The following FAM184B variants were observed in gnomAD, a reference collection of about 807,000 sequenced individuals.
The protein encoded by FAM184B is protein FAM184B.
A neutral mutation model predicts 135.9 loss-of-function variants in FAM184B; 111 were observed. That is an observed-to-expected ratio of 0.82 (90% confidence interval 0.70 to 0.96). The LOEUF is 0.96. Ranked by LOEUF, FAM184B falls within the 40% of genes least tolerant of loss-of-function variation. The probability of loss-of-function intolerance (pLI) is 0.00; values close to 1 mark genes in which losing one functional copy is unlikely to be tolerated. For missense variants in FAM184B, 1,375 were observed against 1,323.9 expected, an observed-to-expected ratio of 1.04 and a Z score of -0.60; for synonymous variants, 552 against 524.8, an observed-to-expected ratio of 1.05 and a Z score of -0.71.
At chr4:17,641,951 T>G in intron 13 of FAM184B, 105 bp downstream of exon 13, 3 of 1,412,318 alleles carry the variant, frequency 2.1e-6, no homozygotes, top group Non-Finnish European at 2.8e-6. Flanking sequence ...GCCGAGGCAG[T>G]GACCCATTTC....
chr4:17,633,384 C>T lies in FAM184B; in HGVS notation c.3089+305G>A, dbSNP rs1003364176. The T allele has an allele frequency of 1.3e-5, 3 of 233,578 alleles. No individual in the cohort carries two copies. In the East Asian group the frequency reaches 2.7e-4, roughly 21 times the overall value. 14.5% of individuals were successfully genotyped at this position (233,578 alleles called of 1,614,324 possible). ...TCACGTCAGTCTGATGAGATAGGTG[C>T]TGTATTATCTTAATTTTAAAGGCAA... On this transcript the variant is annotated intron_variant, in intron 17 of 17. Transcript: ENST00000265018.
At chr4:17,773,961 T>A (rs1174623102) in intron 1 of FAM184B, among the ~76,000 whole-genome samples, 1 of 152,232 alleles carries the variant, frequency 6.6e-6, no homozygotes, top group Non-Finnish European at 1.5e-5. Context: ...AGAATCTTCA[T>A]TAACACTTGT....
intron 1 of FAM184B, among the ~76,000 whole-genome samples, chr4:17,727,691 C>T (rs533607965): frequency 1.3e-5 from 2 of 152,268 alleles, no homozygotes; most frequent in African/African-American, 4.8e-5. Flanking sequence ...TGAGAACTCA[C>T]AATCATGAGA....
intron 1 of FAM184B, among the ~76,000 whole-genome samples, chr4:17,730,358 A>G (rs552484889): frequency 3.9e-4 from 60 of 152,360 alleles, no homozygotes; most frequent in African/African-American, 1.4e-3. Context: ...ATTATGCAGG[A>G]GAACTTCCCC....
intron 7 of FAM184B, among the ~76,000 whole-genome samples, chr4:17,681,952 G>C (rs547830357): frequency 6.6e-6 from 1 of 152,286 alleles, no homozygotes; most frequent in Admixed American, 6.5e-5. Flanking sequence ...ATTGTAACAG[G>C]TTAGTATTTA....
chr4:17,691,158 C>T (rs143848473), intron 6 of FAM184B, among the ~76,000 whole-genome samples: 20 of 152,174 alleles, frequency 1.3e-4, no homozygotes, highest in Middle Eastern at 3.4e-3. Flanking sequence ...AGGGTGGGGT[C>T]ATTAGAGCCA....
intron 5 of FAM184B, among the ~76,000 whole-genome samples, chr4:17,696,259 T>C (rs990374041): frequency 5.9e-5 from 9 of 152,188 alleles, no homozygotes; most frequent in African/African-American, 2.2e-4. Flanking sequence ...GAAAGCCTGA[T>C]TGGTTGACTG....
intron 1 of FAM184B, among the ~76,000 whole-genome samples, chr4:17,721,300 C>T (rs1370127164): frequency 6.9e-6 from 1 of 144,398 alleles, no homozygotes; most frequent in Non-Finnish European, 1.5e-5. Context: ...AGGAGAATGG[C>T]GTGAACCCGG....
At chr4:17,735,084 A>G (rs2108980152) in intron 1 of FAM184B, among the ~76,000 whole-genome samples, 1 of 152,176 alleles carries the variant, frequency 6.6e-6, no homozygotes, top group East Asian at 1.9e-4. Flanking sequence ...CGCAAGGAGA[A>G]AAAACCAAAC....
chr4:17,647,488 G>A (rs1301153698), intron 12 of FAM184B, 149 bp downstream of exon 12: 1 of 929,898 alleles, frequency 1.1e-6, no homozygotes, highest in Non-Finnish European at 1.6e-6. Flanking sequence ...GGCCTCAAGT[G>A]GTTCTCTGGC....
At chr4:17,645,799 A>C (rs1246093978) in intron 12 of FAM184B, among the ~76,000 whole-genome samples, 1 of 151,956 alleles carries the variant, frequency 6.6e-6, no homozygotes, top group Non-Finnish European at 1.5e-5. Flanking sequence ...CAACCTACAG[A>C]ATGGGAGAAA....
At chr4:17,708,260 G>A (rs532643870) in intron 2 of FAM184B, among the ~76,000 whole-genome samples, 11 of 152,248 alleles carry the variant, frequency 7.2e-5, no homozygotes, top group Admixed American at 2.6e-4. Flanking sequence ...TAGACTGTAG[G>A]TTTCCAAGTT....
chr4:17,640,547 C>CA (rs1715281261), intron 13 of FAM184B, among the ~76,000 whole-genome samples: 1 of 148,602 alleles, frequency 6.7e-6, no homozygotes, highest in South Asian at 2.1e-4. Context: ...TGGGCCAACA[C>CA]AACAGGGTTC....
chr4:17,709,351 G>A lies in FAM184B; in HGVS notation c.435C>T (p.Leu145=), dbSNP rs1717195250. 1 of 1,549,050 alleles carries A rather than the reference G, an allele frequency of 6.5e-7. No individual in the cohort carries two copies. Among genetic ancestry groups the A allele is most frequent in the East Asian group, 2.4e-5 (1 of 40,836 alleles). The part of the protein sequence containing the change: ...RVEAEHAERV[L]TLSREMLELK... Reference sequence around the variant, plus strand: ...GCTCCAGCATTTCCCTGGAGAGCGTGAGGACTCGCTCGGCGTGCTCTGCCT... The same window carrying A: ...GCTCCAGCATTTCCCTGGAGAGCGTAAGGACTCGCTCGGCGTGCTCTGCCT... The change falls in exon 2 of 18, where the codon CTC becomes CTT. Residue 145 remains leucine, a synonymous_variant. Transcript: ENST00000265018.
At chr4:17,762,543 A>G (rs1424199429) in intron 1 of FAM184B, among the ~76,000 whole-genome samples, 1 of 152,178 alleles carries the variant, frequency 6.6e-6, no homozygotes, top group Non-Finnish European at 1.5e-5. Flanking sequence ...GGCAATCACT[A>G]AACCACACAA....
At chr4:17,738,954 G>A (rs775149034) in intron 1 of FAM184B, among the ~76,000 whole-genome samples, 14 of 152,162 alleles carry the variant, frequency 9.2e-5, no homozygotes, top group Admixed American at 4.6e-4. Flanking sequence ...ATGAGTAGAA[G>A]CAGCCTGAGG....
intron 6 of FAM184B, among the ~76,000 whole-genome samples, chr4:17,692,062 A>G (rs1034945468): frequency 6.6e-6 from 1 of 152,316 alleles, no homozygotes; most frequent in East Asian, 1.9e-4. Flanking sequence ...AAAAAAAAAA[A>G]AAAAAGAATA....
chr4:17,637,303 A>G (rs980901082), intron 14 of FAM184B, among the ~76,000 whole-genome samples: 6 of 152,224 alleles, frequency 3.9e-5, no homozygotes, highest in African/African-American at 1.2e-4. Flanking sequence ...CTGGGATTAC[A>G]GGCGTGGGCC....
chr4:17,659,837 C>G, intron 9 of FAM184B, 121 bp downstream of exon 9: 2 of 1,321,730 alleles, frequency 1.5e-6, no homozygotes, highest in Non-Finnish European at 2.1e-6. Context: ...CCACTTTGCC[C>G]TGGTCCTGTA....
Sources: gnomAD v4.1 joint callset for allele counts (sites outside exome capture counted in the v4.1 genomes callset) on GRCh38, gnomAD v4.1.1 for gene constraint, MANE v1.5 for transcripts, NCBI Gene and HGNC (gene_info 2026-07-23, HGNC 2026-07-21) for gene names.